The following PHACTR1 variants were observed in gnomAD, a reference collection of about 807,000 sequenced individuals.
PHACTR1 encodes RPEL repeat containing 1.
PHACTR1 carries 16 observed loss-of-function variants against 69.2 expected under a neutral mutation model. The observed-to-expected ratio is 0.23, with a 90% confidence interval of 0.16 to 0.35. The LOEUF (loss-of-function observed/expected upper bound fraction) is 0.35. PHACTR1 is among the 10% of genes least tolerant of loss of function. The pLI, the probability that PHACTR1 is intolerant of heterozygous loss-of-function variation, is 1.00. For missense variants in PHACTR1, 510 were observed against 734.7 expected (o/e 0.69, Z 3.54); for synonymous variants, 312 against 284.5 (o/e 1.10, Z -0.97).
chr6:12,890,248 GC>G (rs1784046183), intron 4 of PHACTR1, among the ~76,000 whole-genome samples: 1 of 151,934 alleles, frequency 6.6e-6, no homozygotes, highest in Non-Finnish European at 1.5e-5. Flanking sequence ...AAACATCCTC[GC>G]CCCCAAGTTC....
intron 5 of PHACTR1, among the ~76,000 whole-genome samples, chr6:13,112,424 G>T (rs1309158158): frequency 1.3e-5 from 2 of 152,162 alleles, no homozygotes; most frequent in Non-Finnish European, 2.9e-5. Flanking sequence ...TGGTAGTTCT[G>T]CTTTTAGGTC....
At chr6:12,921,972 C>G (rs940619865) in intron 4 of PHACTR1, among the ~76,000 whole-genome samples, 17 of 152,228 alleles carry the variant, frequency 1.1e-4, no homozygotes, top group Non-Finnish European at 2.2e-4. Flanking sequence ...TTCTCCACAT[C>G]TGCAAATAAG....
chr6:12,960,603 G>A (rs1792587730), intron 4 of PHACTR1, among the ~76,000 whole-genome samples: 3 of 152,140 alleles, frequency 2.0e-5, no homozygotes, highest in Admixed American at 1.3e-4. Flanking sequence ...ACCAGGGAGG[G>A]TCCAACAAGG....
At chr6:12,760,151 A>G (rs953020114) in intron 4 of PHACTR1, among the ~76,000 whole-genome samples, 2 of 152,182 alleles carry the variant, frequency 1.3e-5, no homozygotes, top group Non-Finnish European at 2.9e-5. Context: ...CCAGGATTCT[A>G]CCAAAAATTT....
intron 8 of PHACTR1, among the ~76,000 whole-genome samples, chr6:13,223,898 C>G (rs1769106254): frequency 6.6e-6 from 1 of 152,134 alleles, no homozygotes; most frequent in South Asian, 2.1e-4. Context: ...ATTGAGGATG[C>G]CCTTTTTGTC....
At chr6:12,952,971 G>A (rs933913052) in intron 4 of PHACTR1, among the ~76,000 whole-genome samples, 1 of 152,178 alleles carries the variant, frequency 6.6e-6, no homozygotes, top group Admixed American at 6.5e-5. Context: ...GAAAAAGGCT[G>A]AATGTCAGGT....
At chr6:12,858,037 C>T (rs1406046944) in intron 4 of PHACTR1, among the ~76,000 whole-genome samples, 1 of 152,132 alleles carries the variant, frequency 6.6e-6, no homozygotes, top group Admixed American at 6.5e-5. Context: ...AGCCTGTTCT[C>T]GGTAAGTTTA....
At chr6:13,004,892 G>T (rs908960145) in intron 4 of PHACTR1, among the ~76,000 whole-genome samples, 12 of 152,144 alleles carry the variant, frequency 7.9e-5, no homozygotes, top group Non-Finnish European at 1.5e-4. Context: ...ACCATTGTAA[G>T]CATTAAGTGA....
chr6:12,955,519 G>A (rs929221879), intron 4 of PHACTR1, among the ~76,000 whole-genome samples: 2 of 151,948 alleles, frequency 1.3e-5, no homozygotes, highest in African/African-American at 4.8e-5. Context: ...GAACAGTGCT[G>A]GTCTAAGAAA....
intron 5 of PHACTR1, among the ~76,000 whole-genome samples, chr6:13,100,095 T>C (rs1583352298): frequency 6.6e-6 from 1 of 152,178 alleles, no homozygotes; most frequent in African/African-American, 2.4e-5. Context: ...AAATATCTAG[T>C]CCTCAACCAT....
At chr6:12,928,448 A>T (rs1788510818) in intron 4 of PHACTR1, among the ~76,000 whole-genome samples, 1 of 151,938 alleles carries the variant, frequency 6.6e-6, no homozygotes, top group African/African-American at 2.4e-5. Context: ...GCATGATGGG[A>T]TTTGTCTTTC....
At chr6:13,177,472 T>C (rs1306978452) in intron 6 of PHACTR1, among the ~76,000 whole-genome samples, 1 of 151,806 alleles carries the variant, frequency 6.6e-6, no homozygotes, top group African/African-American at 2.4e-5. Flanking sequence ...TATATACATA[T>C]CAGATTTTTA....
chr6:13,045,097 CA>C (rs1263218956), intron 4 of PHACTR1, among the ~76,000 whole-genome samples: 4 of 152,138 alleles, frequency 2.6e-5, no homozygotes, highest in African/African-American at 9.7e-5. Flanking sequence ...TACAAAGATT[CA>C]AAAAGCCAGA....
chr6:13,178,608 A>T (rs946286749), intron 6 of PHACTR1, among the ~76,000 whole-genome samples: 1 of 152,174 alleles, frequency 6.6e-6, no homozygotes, highest in Non-Finnish European at 1.5e-5. Context: ...CAGTTTGAGA[A>T]CCACTGTCTT....
At chr6:12,746,966 A>T (rs1294563541) in intron 3 of PHACTR1, among the ~76,000 whole-genome samples, 1 of 152,224 alleles carries the variant, frequency 6.6e-6, no homozygotes, top group Non-Finnish European at 1.5e-5. Flanking sequence ...CTTCCTTAAG[A>T]ACCTGAACCC....
At chr6:13,161,855 G>A (rs1465026244) in intron 6 of PHACTR1, among the ~76,000 whole-genome samples, 1 of 152,206 alleles carries the variant, frequency 6.6e-6, no homozygotes, top group Non-Finnish European at 1.5e-5. Context: ...CTGGTGGCAA[G>A]GCATAATGGA....
At chr6:12,933,997 A>G (rs927182178) in intron 4 of PHACTR1, 2 of 1,503,774 alleles carry the variant, frequency 1.3e-6, no homozygotes, top group African/African-American at 1.4e-5. Context: ...TACATGACAT[A>G]AAACAATATC....
chr6:12,839,192 G>A (rs1354585694), intron 4 of PHACTR1, among the ~76,000 whole-genome samples: 1 of 152,186 alleles, frequency 6.6e-6, no homozygotes, highest in Non-Finnish European at 1.5e-5. Flanking sequence ...TTGAGGAATA[G>A]GGAACTTGAA....
intron 5 of PHACTR1, among the ~76,000 whole-genome samples, chr6:13,058,305 T>C (rs913683043): frequency 6.6e-5 from 10 of 152,228 alleles, no homozygotes; most frequent in Admixed American, 6.5e-5. Flanking sequence ...CACCGAGTTA[T>C]GCTTTTATTT....
Sources: allele counts gnomAD v4.1 joint callset (sites outside exome capture counted in the v4.1 genomes callset), GRCh38; gene constraint gnomAD v4.1.1; transcripts MANE v1.5; gene names NCBI Gene and HGNC (gene_info 2026-07-23, HGNC 2026-07-21).